RAB5C: variants seen among roughly 807,000 people sequenced by gnomAD.
RAB5C encodes the protein ras-related protein Rab-5C.
RAB5C carries 4 observed loss-of-function variants against 25.2 expected under a neutral mutation model. The ratio of observed to expected loss-of-function variants is 0.16; its 90% CI spans 0.08 to 0.36. The LOEUF is 0.36. Ranked by LOEUF, RAB5C falls within the 10% of genes least tolerant of loss-of-function variation. The probability of loss-of-function intolerance (pLI) is 1.00; values close to 1 mark genes in which losing one functional copy is unlikely to be tolerated. For synonymous variants in RAB5C, 100 were observed against 106.4 expected (o/e 0.94, Z 0.37); for missense variants, 199 against 283.8 (o/e 0.70, Z 2.15).
At position 42,142,281 on chromosome 17, in the gene RAB5C, C is replaced by T. The variant is rs963429101; in HGVS notation, c.-88-11691G>A. On this transcript the variant is annotated intron_variant, in intron 1 of 5. Coordinates refer to ENST00000346213, the MANE Select transcript of RAB5C (RefSeq NM_004583.4). ...AACTCCTGCGCTCAAGCAATCCCCC[C>T]GCCTTGGCCTCCCAAAGTACTGAGA... Among the ~76,000 whole-genome samples, 9 of 152,014 alleles carry T rather than the reference C, an allele frequency of 5.9e-5. No individual in the cohort carries two copies. The East Asian group carries it at 1.3e-3, about 23-fold the overall frequency.
At position 42,125,759 on chromosome 17, in the gene RAB5C, G is replaced by A. The variant is rs1555668610; in HGVS notation, c.*24C>T. ...CGGGTCATTCAGGCGGAGGAGGCGG[G>A]GGCAGCGGGCAGGCAAGGGGGGCTC... On this transcript the variant is annotated 3_prime_UTR_variant, in exon 6 of 6. Transcript: ENST00000346213. 6.5e-7 allele frequency: 1 copy of A among 1,533,228 alleles called. No individual in the cohort carries two copies. Among genetic ancestry groups the A allele is most frequent in the East Asian group, 2.3e-5 (1 of 43,002 alleles). 95.0% of individuals were successfully genotyped at this position (1,533,228 alleles called of 1,614,324 possible). A position where few individuals can be genotyped will look rare whatever the true frequency, so the allele number is the denominator to read the frequency against.
intron 1 of RAB5C, among the ~76,000 whole-genome samples, chr17:42,142,876 G>A: frequency 6.6e-6 from 1 of 152,194 alleles, no homozygotes; most frequent in African/African-American, 2.4e-5. Context: ...GGCAGCAAAA[G>A]ACACTGACTG....
Position 42,147,072 on chromosome 17 carries a change from AAAAG to A in RAB5C, c.-89+7817_-89+7820del, listed in dbSNP as rs976863509. On this transcript the variant is annotated intron_variant, in intron 1 of 5. Transcript: ENST00000346213. ...AGACAGAAAAAGAAAGAAAGAAAGA[AAAAG>A]AAAGAAAGAAAGAAAGAAAGAAGGA... is the stretch of plus-strand genomic sequence containing the variant. Among the ~76,000 whole-genome samples the A allele has an allele frequency of 9.1e-3, 1,371 of 150,258 alleles. 12 individuals carry two copies. Among genetic ancestry groups the A allele is most frequent in the South Asian group, 0.03 (141 of 4,730 alleles).
intron 1 of RAB5C, among the ~76,000 whole-genome samples, chr17:42,148,737 A>G (rs1315774958): frequency 6.6e-6 from 1 of 152,246 alleles, no homozygotes; most frequent in Non-Finnish European, 1.5e-5. Flanking sequence ...GTAGGGAGAT[A>G]CAGTTTCCAG....
At chr17:42,133,901 G>A (rs1010768997) in intron 1 of RAB5C, among the ~76,000 whole-genome samples, 4 of 152,180 alleles carry the variant, frequency 2.6e-5, no homozygotes, top group African/African-American at 9.7e-5. Flanking sequence ...AACTGAGACA[G>A]GCTCTCCCTG....
chr17:42,154,616 G>A (rs1255595294), intron 1 of RAB5C: 1 of 152,294 alleles, frequency 6.6e-6, no homozygotes, highest in Non-Finnish European at 1.5e-5. Context: ...TCTGGAAGCA[G>A]GGGGAGCGGA....
chr17:42,130,213 G>C (rs1467953471), intron 2 of RAB5C, 124 bp downstream of exon 2: 2 of 1,362,604 alleles, frequency 1.5e-6, no homozygotes, highest in African/African-American at 2.9e-5. Flanking sequence ...AGGTGAGGAA[G>C]TGGGGCTGCC....
chr17:42,146,077 G>C (rs1189257014), intron 1 of RAB5C, among the ~76,000 whole-genome samples: 1 of 152,136 alleles, frequency 6.6e-6, no homozygotes, highest in East Asian at 1.9e-4. Context: ...AAAGTGCTGG[G>C]ATTACAGGCG....
chr17:42,153,418 AAAAC>A (rs956602093), intron 1 of RAB5C, among the ~76,000 whole-genome samples: 5 of 152,154 alleles, frequency 3.3e-5, no homozygotes, highest in African/African-American at 1.2e-4. Context: ...CTCCATCTCA[AAAAC>A]AAACAAACAA....
chr17:42,146,535 A>G (rs953826875), intron 1 of RAB5C, among the ~76,000 whole-genome samples: 59 of 152,156 alleles, frequency 3.9e-4, no homozygotes, highest in African/African-American at 1.4e-3. Flanking sequence ...CAGACCACAA[A>G]GTCAAGAGAT....
At position 42,128,351 on chromosome 17, in the gene RAB5C, C is replaced by T; in HGVS notation, c.351G>A (p.Lys117=). The part of the protein sequence containing the change: ...DTFARAKNWV[K]ELQRQASPNI... ...TGGGGCTGGCCTGCCTCTGTAGCTCCTTCACCCAGTTCTTGGCCCGTGCAA... is the reference window on the plus strand; with the variant it reads ...TGGGGCTGGCCTGCCTCTGTAGCTCTTTCACCCAGTTCTTGGCCCGTGCAA... The change falls in exon 4 of 6, where the codon AAG becomes AAA. Residue 117 remains lysine (K), a synonymous_variant. Coordinates refer to ENST00000346213, the MANE Select transcript of RAB5C (RefSeq NM_004583.4). 1 of 1,614,050 alleles carries T rather than the reference C, an allele frequency of 6.2e-7. No individual in the cohort carries two copies. The highest frequency in any genetic ancestry group is 8.5e-7 in the Non-Finnish European group (1 of 1,179,962).
intron 4 of RAB5C, among the ~76,000 whole-genome samples, chr17:42,127,642 C>A (rs1313425336): frequency 6.6e-6 from 1 of 150,784 alleles, no homozygotes; most frequent in Non-Finnish European, 1.5e-5. Flanking sequence ...CTCCTGGCCT[C>A]TAATGATCCT....
chr17:42,125,644 T>C lies in RAB5C; in HGVS notation c.*139A>G. On this transcript the variant is annotated 3_prime_UTR_variant, in exon 6 of 6. Transcript: ENST00000346213. ...GACTCACTCCGGCCTATGATCAAAATTATATGGAGAAATCATGGTGGACCC... is the reference window on the plus strand; with the variant it reads ...GACTCACTCCGGCCTATGATCAAAACTATATGGAGAAATCATGGTGGACCC... The C allele has an allele frequency of 1.6e-6, 1 of 613,134 alleles. No homozygotes were observed. The highest frequency in any genetic ancestry group is 2.9e-6 in the Non-Finnish European group (1 of 345,882). The allele number at this position is 613,134 out of a possible 1,614,324, so 38.0% of individuals were successfully genotyped here.
intron 1 of RAB5C, among the ~76,000 whole-genome samples, chr17:42,136,885 C>T (rs561481336): frequency 1.3e-5 from 2 of 152,322 alleles, no homozygotes; most frequent in South Asian, 4.1e-4. Flanking sequence ...AGAAAAACCC[C>T]AGAATATTAA....
intron 1 of RAB5C, among the ~76,000 whole-genome samples, chr17:42,137,134 C>T (rs1380092283): frequency 1.3e-5 from 2 of 151,662 alleles, no homozygotes; most frequent in Admixed American, 6.6e-5. Flanking sequence ...GGTGAAACCC[C>T]GACTGTACTA....
chr17:42,134,722 A>C (rs535520460), intron 1 of RAB5C, among the ~76,000 whole-genome samples: 2 of 152,210 alleles, frequency 1.3e-5, no homozygotes, highest in Non-Finnish European at 2.9e-5. Context: ...CACCAGTCCC[A>C]ACCTCATGTC....
At chr17:42,135,774 T>C (rs1050069002) in intron 1 of RAB5C, among the ~76,000 whole-genome samples, 1 of 152,224 alleles carries the variant, frequency 6.6e-6, no homozygotes, top group Non-Finnish European at 1.5e-5. Flanking sequence ...TGTTTTGTCC[T>C]TCCTGGTAAA....
intron 1 of RAB5C, chr17:42,131,877 A>G (rs1418473079): frequency 1.2e-5 from 5 of 422,820 alleles, no homozygotes; most frequent in Admixed American, 3.9e-5. Context: ...GTCAACAGAC[A>G]TCAGAATATA....
chr17:42,140,890 G>A (rs181298962), intron 1 of RAB5C, among the ~76,000 whole-genome samples: 92 of 151,990 alleles, frequency 6.1e-4, no homozygotes, highest in African/African-American at 2.0e-3. Flanking sequence ...TTGCAGTGAC[G>A]CAATCATAGC....
Sources: allele counts gnomAD v4.1 joint callset (sites outside exome capture counted in the v4.1 genomes callset), GRCh38; gene constraint gnomAD v4.1.1; transcripts MANE v1.5; gene names NCBI Gene and HGNC (gene_info 2026-07-23, HGNC 2026-07-21).